The following NKAIN3 variants were observed in gnomAD, a reference collection of about 807,000 sequenced individuals.
NKAIN3 encodes sodium/potassium-transporting ATPase subunit beta-1-interacting protein 3.
Under a neutral mutation model 30.2 loss-of-function variants are expected in NKAIN3, and 25 were observed. The observed-to-expected ratio is 0.83, with a 90% confidence interval of 0.60 to 1.16. NKAIN3 has a LOEUF of 1.16. NKAIN3 is among the 50% of genes most tolerant of loss of function. The pLI is 0.00. For synonymous variants in NKAIN3, 91 were observed against 89.6 expected (o/e 1.02, Z -0.09); for missense variants, 225 against 254.1 (o/e 0.89, Z 0.78).
intron 1 of NKAIN3, among the ~76,000 whole-genome samples, chr8:62,283,453 TTGGTCC>T: frequency 6.6e-6 from 1 of 152,190 alleles, no homozygotes; most frequent in Non-Finnish European, 1.5e-5. Flanking sequence ...GATCCCTGGT[TTGGTCC>T]ACAGATCAAA....
At chr8:62,433,531 T>C (rs1805079749) in intron 1 of NKAIN3, among the ~76,000 whole-genome samples, 1 of 152,170 alleles carries the variant, frequency 6.6e-6, no homozygotes, top group African/African-American at 2.4e-5. Flanking sequence ...TTAAGCCTCA[T>C]GTCCACTGAG....
At chr8:62,575,254 AAC>A (rs1369945718) in intron 1 of NKAIN3, among the ~76,000 whole-genome samples, 3 of 152,124 alleles carry the variant, frequency 2.0e-5, no homozygotes, top group African/African-American at 7.2e-5. Flanking sequence ...AGAACTGACA[AAC>A]AAATTTAGTA....
intron 1 of NKAIN3, among the ~76,000 whole-genome samples, chr8:62,576,713 C>T (rs970367066): frequency 6.6e-6 from 1 of 152,080 alleles, no homozygotes; most frequent in Non-Finnish European, 1.5e-5. Flanking sequence ...AACTTAAGTT[C>T]ACTGACCATA....
At chr8:62,629,139 A>T (rs951334607) in intron 3 of NKAIN3, among the ~76,000 whole-genome samples, 5 of 152,162 alleles carry the variant, frequency 3.3e-5, no homozygotes, top group African/African-American at 1.2e-4. Context: ...CCTGTCCCTG[A>T]TGGGAAGTAA....
intron 1 of NKAIN3, among the ~76,000 whole-genome samples, chr8:62,563,022 TG>T (rs1397199935): frequency 2.6e-5 from 4 of 152,102 alleles, no homozygotes; most frequent in Non-Finnish European, 5.9e-5. Context: ...CCAGCTTGTT[TG>T]TGGGATTGTG....
At chr8:62,827,452 T>C (rs964576818) in intron 4 of NKAIN3, among the ~76,000 whole-genome samples, 4 of 152,208 alleles carry the variant, frequency 2.6e-5, no homozygotes, top group African/African-American at 9.6e-5. Flanking sequence ...CATCAATTCT[T>C]CCAAATATGT....
chr8:62,682,101 C>T (rs1813660665), intron 3 of NKAIN3, among the ~76,000 whole-genome samples: 2 of 152,096 alleles, frequency 1.3e-5, no homozygotes, highest in African/African-American at 2.4e-5. Context: ...AATCCACCAA[C>T]CCTTTGAAGG....
At chr8:62,951,447 T>G (rs1441477047) in intron 5 of NKAIN3, among the ~76,000 whole-genome samples, 1 of 152,212 alleles carries the variant, frequency 6.6e-6, no homozygotes, top group African/African-American at 2.4e-5. Context: ...CTTTTAAATT[T>G]GTTTGTTTGT....
At chr8:62,822,092 C>T (rs935113289) in intron 4 of NKAIN3, among the ~76,000 whole-genome samples, 1 of 152,014 alleles carries the variant, frequency 6.6e-6, no homozygotes, top group Non-Finnish European at 1.5e-5. Context: ...CAGTGTGAAG[C>T]TTAAATTGGA....
Position 62,798,608 on chromosome 8 carries a change from A to G in NKAIN3, c.471+51479A>G, listed in dbSNP as rs963714170. ...AAACAACAAAAGAAAGTAAAAATAA[A>G]AGTAGAATTATGCCTAATAGTTCAA... On this transcript the variant is annotated intron_variant, in intron 4 of 6. Coordinates refer to ENST00000623646, the MANE Select transcript of NKAIN3 (RefSeq NM_001304533.3). Among the ~76,000 whole-genome samples, 772 of 152,150 alleles carry G rather than the reference A, an allele frequency of 5.1e-3. 6 individuals carry two copies. The highest frequency in any genetic ancestry group is 0.017 in the African/African-American group (692 of 41,524).
chr8:62,930,254 T>C (rs2130870390), intron 5 of NKAIN3, among the ~76,000 whole-genome samples: 1 of 146,894 alleles, frequency 6.8e-6, no homozygotes, highest in South Asian at 2.2e-4. Flanking sequence ...TAACCTCCAT[T>C]CTACCTTTTT....
chr8:62,832,509 C>T (rs146976915), intron 4 of NKAIN3, among the ~76,000 whole-genome samples: 1 of 149,248 alleles, frequency 6.7e-6, no homozygotes, highest in African/African-American at 2.6e-5. Flanking sequence ...AGAGACCCAA[C>T]TCACATGTAA....
Position 62,759,520 on chromosome 8 carries a change from G to C in NKAIN3, c.471+12391G>C, listed in dbSNP as rs145358672. ...AAAGCCTGAGCTAGAATAGCATGAA[G>C]AATGTGGAACTAGAGAGACTTATCA... is the stretch of plus-strand genomic sequence containing the variant. On this transcript the variant is annotated intron_variant, in intron 4 of 6. Coordinates refer to ENST00000623646, the MANE Select transcript of NKAIN3 (RefSeq NM_001304533.3). Among the ~76,000 whole-genome samples, 12 of 152,238 alleles carry C rather than the reference G, an allele frequency of 7.9e-5. No individual in the cohort carries two copies. In the East Asian group the frequency reaches 2.3e-3, roughly 29 times the overall value.
intron 4 of NKAIN3, among the ~76,000 whole-genome samples, chr8:62,887,617 G>T: frequency 6.6e-6 from 1 of 151,976 alleles, no homozygotes; most frequent in Non-Finnish European, 1.5e-5. Flanking sequence ...GGTTTCTGTT[G>T]ATATATGCGC....
At position 62,454,301 on chromosome 8, in the gene NKAIN3, CAAAAAAA is replaced by C. The variant is rs201511724; in HGVS notation, c.55-125222_55-125216del. Among the ~76,000 whole-genome samples the C allele has an allele frequency of 1.5e-3, 84 of 56,164 alleles. 4 individuals carry two copies. Among genetic ancestry groups the C allele is most frequent in the African/African-American group, 4.4e-3 (79 of 17,810 alleles). 36.8% of individuals were successfully genotyped at this position (56,164 alleles called of 152,430 possible). ...ACCAACACTAACAATAGCTGATGTG[CAAAAAAA>C]AAAAAAAAAAAAAAATCTGAAAATC... is the stretch of plus-strand genomic sequence containing the variant. On this transcript the variant is annotated intron_variant, in intron 1 of 6. Transcript: ENST00000623646.
intron 3 of NKAIN3, among the ~76,000 whole-genome samples, chr8:62,732,401 C>A (rs1313634430): frequency 1.3e-5 from 2 of 151,924 alleles, no homozygotes; most frequent in Admixed American, 6.6e-5. Flanking sequence ...ATGTGGAATT[C>A]TTTTATACAT....
intron 1 of NKAIN3, among the ~76,000 whole-genome samples, chr8:62,550,160 C>T (rs1021897561): frequency 2.7e-4 from 41 of 152,118 alleles, no homozygotes; most frequent in African/African-American, 9.2e-4. Flanking sequence ...TTCTCTTTTG[C>T]TTTGCTATTT....
intron 1 of NKAIN3, among the ~76,000 whole-genome samples, chr8:62,267,164 ATAAT>A (rs1812635973): frequency 6.6e-6 from 1 of 152,250 alleles, no homozygotes; most frequent in African/African-American, 2.4e-5. Flanking sequence ...CAAAAACATA[ATAAT>A]TCTGGTTTCT....
intron 4 of NKAIN3, among the ~76,000 whole-genome samples, chr8:62,763,221 CAAAAAAAAAAAAAAAAAAAAAAAAAAAAA>C (rs55873861): frequency 2.1e-5 from 1 of 47,162 alleles, no homozygotes; most frequent in African/African-American, 6.0e-5. Context: ...GACTCCGTCT[CAAAAAAAAAAAAAAAAAAAAAAAAAAAAA>C]AAAAAAAAAA....
Sources: allele counts gnomAD v4.1 joint callset (sites outside exome capture counted in the v4.1 genomes callset), GRCh38; gene constraint gnomAD v4.1.1; transcripts MANE v1.5; gene names NCBI Gene and HGNC (gene_info 2026-07-23, HGNC 2026-07-21).